The following ADGRB3 variants were observed in gnomAD, a reference collection of about 807,000 sequenced individuals.
The protein encoded by ADGRB3 is brain-specific angiogenesis inhibitor 3.
A neutral mutation model predicts 193.4 loss-of-function variants in ADGRB3; 37 were observed. That is an observed-to-expected ratio of 0.19 (90% confidence interval 0.15 to 0.25). The LOEUF (loss-of-function observed/expected upper bound fraction) is 0.25, where lower values mean the gene tolerates loss of function less well. ADGRB3 is among the 10% of genes least tolerant of loss of function. The pLI, the probability that ADGRB3 is intolerant of heterozygous loss-of-function variation, is 1.00. For synonymous variants in ADGRB3, 690 were observed against 644.2 expected, an observed-to-expected ratio of 1.07 and a Z score of -1.08; for missense variants, 1,637 against 1,852.9, an observed-to-expected ratio of 0.88 and a Z score of 2.14.
chr6:68,662,656 A>G (rs9454604), intron 3 of ADGRB3, among the ~76,000 whole-genome samples: 1 of 151,594 alleles, frequency 6.6e-6, no homozygotes. Context: ...ATCTCAAAAC[A>G]GTATTAGAAT....
intron 20 of ADGRB3, among the ~76,000 whole-genome samples, chr6:69,312,101 G>A (rs1347301153): frequency 6.6e-6 from 1 of 151,676 alleles, no homozygotes. Context: ...AGCCAGCAGA[G>A]GGCTGACTCC....
At chr6:69,346,424 A>C (rs1196428780) in intron 26 of ADGRB3, among the ~76,000 whole-genome samples, 1 of 151,790 alleles carries the variant, frequency 6.6e-6, no homozygotes, top group Non-Finnish European at 1.5e-5. Flanking sequence ...AGGCCGACCT[A>C]TGGAATGGGA....
At chr6:69,159,659 C>T (rs1774933847) in intron 17 of ADGRB3, among the ~76,000 whole-genome samples, 1 of 152,044 alleles carries the variant, frequency 6.6e-6, no homozygotes, top group Admixed American at 6.6e-5. Context: ...TTCATGGAGT[C>T]CCATTGATTT....
intron 3 of ADGRB3, among the ~76,000 whole-genome samples, chr6:68,683,982 A>G (rs531607400): frequency 6.6e-6 from 1 of 152,020 alleles, no homozygotes; most frequent in Non-Finnish European, 1.5e-5. Flanking sequence ...TCAGCTCCTC[A>G]TGACTTCTGT....
chr6:69,088,809 T>C (rs1772626000), intron 17 of ADGRB3, among the ~76,000 whole-genome samples: 1 of 152,254 alleles, frequency 6.6e-6, no homozygotes, highest in African/African-American at 2.4e-5. Flanking sequence ...CAGGCTCTTA[T>C]TTTCACACTG....
chr6:69,147,164 T>C (rs1774526767), intron 17 of ADGRB3, among the ~76,000 whole-genome samples: 1 of 152,298 alleles, frequency 6.6e-6, no homozygotes, highest in African/African-American at 2.4e-5. Flanking sequence ...TGATCTTTAT[T>C]ATTTCTTTTC....
intron 17 of ADGRB3, among the ~76,000 whole-genome samples, chr6:69,195,013 T>G (rs1479862873): frequency 2.0e-5 from 3 of 152,170 alleles, no homozygotes; most frequent in African/African-American, 4.8e-5. Flanking sequence ...TAAAGAAGTT[T>G]GAGTCGGCAG....
chr6:68,936,635 C>A lies in ADGRB3; in HGVS notation c.985C>A (p.Pro329Thr). 1 of 1,613,696 alleles carries A rather than the reference C, an allele frequency of 6.2e-7. No individual in the cohort carries two copies. Among genetic ancestry groups the A allele is most frequent in the African/African-American group, 1.3e-5 (1 of 74,990 alleles). Residue 329 changes from proline to threonine, a missense_variant, in exon 5 of 32, where the codon CCA becomes ACA. Physicochemically the swap from Pro to Thr is conservative, Grantham distance 38. Transcript: ENST00000370598. ...VSPYGTHCSG[P>T]LRESRVCNNT... ...ACCTTACGGGACACACTGCAGCGGCCCATTAAGAGAATCAAGGGTTTGCAA... is the reference window on the plus strand; with the variant it reads ...ACCTTACGGGACACACTGCAGCGGCACATTAAGAGAATCAAGGGTTTGCAA...
intron 3 of ADGRB3, among the ~76,000 whole-genome samples, chr6:68,796,934 G>A (rs1249059040): frequency 6.6e-6 from 1 of 152,050 alleles, no homozygotes; most frequent in African/African-American, 2.4e-5. Context: ...AGAGGTCCTG[G>A]TAAAGCTATT....
chr6:68,778,443 G>A (rs1766792057), intron 3 of ADGRB3, among the ~76,000 whole-genome samples: 1 of 152,118 alleles, frequency 6.6e-6, no homozygotes, highest in South Asian at 2.1e-4. Flanking sequence ...ACAATTCCTC[G>A]CTATGAAACA....
chr6:69,167,520 C>A lies in ADGRB3; in HGVS notation c.2481-65770C>A, dbSNP rs550560336. Among the ~76,000 whole-genome samples the A allele has an allele frequency of 6.6e-5, 10 of 152,014 alleles. No individual in the cohort carries two copies. The South Asian group carries it at 2.1e-3, about 32-fold the overall frequency. ...TCAATTGATTTAGAATTTTTCAGTG[C>A]TTTGTCCTAGATTTTCTCACCAAAC... is the stretch of plus-strand genomic sequence containing the variant. On this transcript the variant is annotated intron_variant, in intron 17 of 31. Coordinates refer to ENST00000370598, the MANE Select transcript of ADGRB3 (RefSeq NM_001704.3).
At chr6:68,777,157 A>G (rs1766762726) in intron 3 of ADGRB3, among the ~76,000 whole-genome samples, 1 of 152,132 alleles carries the variant, frequency 6.6e-6, no homozygotes, top group East Asian at 1.9e-4. Flanking sequence ...CCTGTGTGCA[A>G]GGAATATAGA....
At chr6:69,298,106 G>C (rs553410952) in intron 20 of ADGRB3, among the ~76,000 whole-genome samples, 1 of 152,040 alleles carries the variant, frequency 6.6e-6, no homozygotes. Context: ...ACTTGTTAAA[G>C]ATGGCAAGGA....
intron 24 of ADGRB3, 33 bp from the exon 25 acceptor site, chr6:69,338,883 T>A (rs1284769747): frequency 6.3e-7 from 1 of 1,583,540 alleles, no homozygotes; most frequent in Admixed American, 1.8e-5. Flanking sequence ...TTCAATATTT[T>A]GTTCTTTTTG....
At chr6:68,994,006 A>T (rs1259902374) in intron 11 of ADGRB3, 44 bp downstream of exon 11, 5 of 1,590,970 alleles carry the variant, frequency 3.1e-6, no homozygotes, top group Non-Finnish European at 4.3e-6. Context: ...GTGAAGATGC[A>T]ATCAGTTTTT....
chr6:69,050,717 A>T (rs552224902), intron 15 of ADGRB3, among the ~76,000 whole-genome samples: 22 of 152,332 alleles, frequency 1.4e-4, no homozygotes, highest in Non-Finnish European at 2.8e-4. Context: ...CTAACTTAAA[A>T]TCAGGTGACT....
chr6:68,840,195 G>A (rs532495514), intron 3 of ADGRB3, among the ~76,000 whole-genome samples: 2 of 152,052 alleles, frequency 1.3e-5, no homozygotes, highest in East Asian at 1.9e-4. Context: ...GTGTATTTGG[G>A]GGACACGTGA....
At chr6:68,830,509 G>A (rs9454629) in intron 3 of ADGRB3, among the ~76,000 whole-genome samples, 36 of 152,076 alleles carry the variant, frequency 2.4e-4, no homozygotes, top group African/African-American at 8.7e-4. Context: ...AAAATAACTA[G>A]TATATTACTA....
rs557555343 is a variant in ADGRB3 at position 68,815,218 on chromosome 6, G to A, written c.758-115341G>A. Among the ~76,000 whole-genome samples the A allele has an allele frequency of 2.0e-5, 3 of 152,126 alleles. 1 individual carries two copies. The South Asian group carries it at 6.2e-4, about 32-fold the overall frequency. On this transcript the variant is annotated intron_variant, in intron 3 of 31. Transcript: ENST00000370598. ...GCTCCTACTCAGCTGCTTTCTTTGA[G>A]TGTTCAATGGGGAGTTTAAATAAGA...
Sources: allele counts gnomAD v4.1 joint callset (sites outside exome capture counted in the v4.1 genomes callset), GRCh38; gene constraint gnomAD v4.1.1; transcripts MANE v1.5; gene names NCBI Gene and HGNC (gene_info 2026-07-23, HGNC 2026-07-21).